The following PID1 variants were observed in gnomAD, a reference collection of about 807,000 sequenced individuals.
PID1 encodes PTB-containing, cubilin and LRP1-interacting protein.
A neutral mutation model predicts 19.1 loss-of-function variants in PID1; 10 were observed. That is an observed-to-expected ratio of 0.52 (90% CI 0.32 to 0.89). The LOEUF is 0.89. Ranked by LOEUF, PID1 falls within the 40% of genes least tolerant of loss-of-function variation. PID1 has a pLI of 0.03. For synonymous variants in PID1, 130 were observed against 116.0 expected (o/e 1.12, Z -0.78); for missense variants, 248 against 285.3 (o/e 0.87, Z 0.94).
rs375531928 is a variant in PID1, at chr2:229,155,739, T to G, written c.177+79A>C. The G allele has an allele frequency of 2.2e-4, 277 of 1,265,348 alleles. 3 individuals are homozygous for G. In the South Asian group the frequency reaches 3.0e-3, roughly 14 times the overall value. 78.4% of individuals were successfully genotyped at this position (1,265,348 alleles called of 1,614,324 possible). A position where few individuals can be genotyped will look rare whatever the true frequency, so the allele number is the denominator to read the frequency against. ...TTTCATTCTTAAAAATGATTACCATTGTGAAACATAGGTCTCAAGCCCACA... is the reference window on the plus strand; with the variant it reads ...TTTCATTCTTAAAAATGATTACCATGGTGAAACATAGGTCTCAAGCCCACA... On this transcript the variant is annotated intron_variant, in intron 2 of 2. Transcript: ENST00000392055.
At chr2:229,141,983 C>A (rs1181555916) in intron 2 of PID1, among the ~76,000 whole-genome samples, 5 of 151,266 alleles carry the variant, frequency 3.3e-5, no homozygotes, top group Non-Finnish European at 7.4e-5. Flanking sequence ...TAGTCAGGAG[C>A]TGAAACACCC....
intron 1 of PID1, among the ~76,000 whole-genome samples, chr2:229,246,643 T>C (rs1690010958): frequency 6.6e-6 from 1 of 152,122 alleles, no homozygotes. Context: ...ATGAGTGGAT[T>C]CCAAAAAGTA....
intron 1 of PID1, among the ~76,000 whole-genome samples, chr2:229,194,896 C>A (rs890945695): frequency 2.1e-5 from 3 of 140,910 alleles, no homozygotes; most frequent in African/African-American, 7.9e-5. Context: ...CCGAAAAAAG[C>A]TCAAAATAAC....
At chr2:229,143,309 C>T (rs1471284675) in intron 2 of PID1, among the ~76,000 whole-genome samples, 1 of 151,480 alleles carries the variant, frequency 6.6e-6, no homozygotes, top group Non-Finnish European at 1.5e-5. Flanking sequence ...AACTAACCTG[C>T]ACATTGTGCA....
At chr2:229,076,192 T>A (rs1274798157) in intron 2 of PID1, among the ~76,000 whole-genome samples, 1 of 152,158 alleles carries the variant, frequency 6.6e-6, no homozygotes, top group Admixed American at 6.5e-5. Context: ...GATTCTTAAG[T>A]AAATTTTGAG....
chr2:229,270,375 C>T (rs562056409), intron 1 of PID1, among the ~76,000 whole-genome samples: 14 of 152,284 alleles, frequency 9.2e-5, no homozygotes, highest in African/African-American at 3.4e-4. Flanking sequence ...GAATCCAATT[C>T]AAGGCAGTCT....
chr2:229,098,973 G>T (rs1695025223), intron 2 of PID1, among the ~76,000 whole-genome samples: 2 of 152,152 alleles, frequency 1.3e-5, no homozygotes, highest in Admixed American at 6.5e-5. Context: ...AGACGGTGAA[G>T]ATTTTCTCTT....
At chr2:229,176,701 G>A (rs557553867) in intron 1 of PID1, among the ~76,000 whole-genome samples, 43 of 152,134 alleles carry the variant, frequency 2.8e-4, no homozygotes, top group Admixed American at 1.0e-3. Flanking sequence ...TCATTTGTAC[G>A]ACAGACATCA....
chr2:229,029,712 C>T (rs561447105), intron 2 of PID1, among the ~76,000 whole-genome samples: 47 of 151,922 alleles, frequency 3.1e-4, no homozygotes, highest in Non-Finnish European at 6.5e-4. Context: ...TGATGGTGTG[C>T]ACCTGTAATC....
intron 1 of PID1, among the ~76,000 whole-genome samples, chr2:229,204,811 G>A (rs1288961208): frequency 6.6e-6 from 1 of 152,098 alleles, no homozygotes; most frequent in East Asian, 1.9e-4. Flanking sequence ...TTCAGTGAAT[G>A]CATGCAGAGG....
intron 2 of PID1, among the ~76,000 whole-genome samples, chr2:229,118,632 T>C (rs554623874): frequency 1.4e-4 from 21 of 152,174 alleles, no homozygotes; most frequent in African/African-American, 4.8e-4. Flanking sequence ...ATGCTATCCA[T>C]CCCACACAAA....
At chr2:229,218,479 C>T (rs990294536) in intron 1 of PID1, among the ~76,000 whole-genome samples, 7 of 152,088 alleles carry the variant, frequency 4.6e-5, no homozygotes, top group African/African-American at 1.7e-4. Flanking sequence ...ATAATGGAAC[C>T]AAGCTGAAGC....
At chr2:229,170,042 T>G (rs1037274267) in intron 1 of PID1, among the ~76,000 whole-genome samples, 1 of 152,128 alleles carries the variant, frequency 6.6e-6, no homozygotes, top group Admixed American at 6.6e-5. Flanking sequence ...TGTCAAGAGC[T>G]GACAAGGTAG....
intron 2 of PID1, among the ~76,000 whole-genome samples, chr2:229,110,685 T>C (rs1695279609): frequency 6.6e-6 from 1 of 152,212 alleles, no homozygotes; most frequent in Non-Finnish European, 1.5e-5. Flanking sequence ...TATTATATGC[T>C]ATATATGATA....
At position 229,271,257 on chromosome 2, in the gene PID1, G is replaced by T; in HGVS notation, c.-214C>A. The T allele has an allele frequency of 2.3e-6, 1 of 426,260 alleles. No homozygotes were observed. The highest frequency in any genetic ancestry group is 4.2e-6 in the Non-Finnish European group (1 of 239,270). 26.4% of individuals were successfully genotyped at this position (426,260 alleles called of 1,614,324 possible). ...CAACTTGTGGGCACGGCCGCGCGCC[G>T]GCTGTCCTGGCGCAGCTGCGAGAGG... On this transcript the variant is annotated 5_prime_UTR_variant, in exon 1 of 3. Coordinates refer to ENST00000392055, the MANE Select transcript of PID1 (RefSeq NM_001100818.2).
chr2:229,132,301 CAAGCTCTGGCTCCTTTGT>C (rs1453884408), intron 2 of PID1, among the ~76,000 whole-genome samples: 1 of 152,178 alleles, frequency 6.6e-6, no homozygotes, highest in Non-Finnish European at 1.5e-5. Context: ...GGGTCCCCTT[CAAGCTCTGGCTCCTTTGT>C]ACTTACAGGA....
At chr2:229,241,829 A>G (rs1333046244) in intron 1 of PID1, among the ~76,000 whole-genome samples, 1 of 152,144 alleles carries the variant, frequency 6.6e-6, no homozygotes, top group African/African-American at 2.4e-5. Flanking sequence ...AAACTCACAT[A>G]TAACAAAATG....
Position 229,263,003 on chromosome 2 carries a change from C to T in PID1, c.30+8011G>A, listed in dbSNP as rs1690499806. ...TTATTTCCAAATAAAGCTACATTCA[C>T]AGGTACCAGGGGTTAAGACTTCAAC... On this transcript the variant is annotated intron_variant, in intron 1 of 2. Transcript: ENST00000392055. The T allele has an allele frequency of 4.6e-6, 5 of 1,087,108 alleles. No homozygotes were observed. The South Asian group carries it at 9.2e-5, about 20-fold the overall frequency. The allele number at this position is 1,087,108 out of a possible 1,614,324, so 67.3% of individuals were successfully genotyped here.
chr2:229,054,853 A>T (rs1241146167), intron 2 of PID1, among the ~76,000 whole-genome samples: 1 of 152,022 alleles, frequency 6.6e-6, no homozygotes, highest in Non-Finnish European at 1.5e-5. Flanking sequence ...ATGGATTGGT[A>T]AGTATTAACA....
Sources: gnomAD v4.1 joint callset for allele counts (sites outside exome capture counted in the v4.1 genomes callset) on GRCh38, gnomAD v4.1.1 for gene constraint, MANE v1.5 for transcripts, NCBI Gene and HGNC (gene_info 2026-07-23, HGNC 2026-07-21) for gene names.